Variants in KIAA1549 observed in about 807,000 individuals in gnomAD.
KIAA1549 encodes UPF0606 protein KIAA1549.
In KIAA1549, 70 loss-of-function variants were observed where a neutral mutation model predicts 156.4. That is an observed-to-expected ratio of 0.45 (90% CI 0.37 to 0.55). The LOEUF is 0.55. Among genes scored for constraint, KIAA1549 ranks in the 20% least tolerant of loss-of-function variants. The probability of loss-of-function intolerance (pLI) is 0.00; values close to 1 mark genes in which losing one functional copy is unlikely to be tolerated. For missense variants in KIAA1549, 2,428 were observed against 2,540.9 expected, an observed-to-expected ratio of 0.96 and a Z score of 0.96; for synonymous variants, 1,103 against 1,066.4, an observed-to-expected ratio of 1.03 and a Z score of -0.67.
At chr7:138,941,888 G>A (rs1314979582) in intron 1 of KIAA1549, among the ~76,000 whole-genome samples, 1 of 150,274 alleles carries the variant, frequency 6.7e-6, no homozygotes, top group Non-Finnish European at 1.5e-5. Context: ...AGGAAATAAG[G>A]AAATCTTAAA....
intron 1 of KIAA1549, among the ~76,000 whole-genome samples, chr7:138,920,205 C>T (rs1162634145): frequency 1.5e-3 from 228 of 151,974 alleles, no homozygotes; most frequent in Middle Eastern, 6.9e-3. Context: ...CTCTCACCCC[C>T]GCCTGGAATG....
At chr7:138,929,749 G>A (rs1323843327) in intron 1 of KIAA1549, among the ~76,000 whole-genome samples, 3 of 152,034 alleles carry the variant, frequency 2.0e-5, no homozygotes, top group Admixed American at 1.3e-4. Context: ...GAATACAATG[G>A]TACAATTATA....
chr7:138,942,207 T>C (rs1813205175), intron 1 of KIAA1549, among the ~76,000 whole-genome samples: 1 of 152,144 alleles, frequency 6.6e-6, no homozygotes, highest in African/African-American at 2.4e-5. Flanking sequence ...CCACACTGTC[T>C]CTCTGAAAGA....
intron 10 of KIAA1549, among the ~76,000 whole-genome samples, chr7:138,893,181 T>A (rs1282888868): frequency 1.3e-5 from 2 of 152,248 alleles, no homozygotes; most frequent in Non-Finnish European, 2.9e-5. Context: ...AGAAAATTGC[T>A]ATTTCTATAA....
At chr7:138,959,037 T>C (rs987571470) in intron 1 of KIAA1549, among the ~76,000 whole-genome samples, 5 of 151,988 alleles carry the variant, frequency 3.3e-5, no homozygotes, top group African/African-American at 9.7e-5. Context: ...GTAGCTGGGA[T>C]TGCAGGCGCC....
At chr7:138,976,283 G>C (rs746332173) in intron 1 of KIAA1549, among the ~76,000 whole-genome samples, 3 of 152,078 alleles carry the variant, frequency 2.0e-5, no homozygotes, top group African/African-American at 2.4e-5. Context: ...CACCATGTTG[G>C]CCAGGCTGGT....
chr7:138,895,339 C>A (rs1811655042), intron 9 of KIAA1549, among the ~76,000 whole-genome samples: 1 of 152,230 alleles, frequency 6.6e-6, no homozygotes, highest in African/African-American at 2.4e-5. Flanking sequence ...ATGTTCGTAG[C>A]AGCGCTATTC....
intron 16 of KIAA1549, among the ~76,000 whole-genome samples, chr7:138,852,656 T>C (rs1170586191): frequency 6.6e-6 from 1 of 152,180 alleles, no homozygotes; most frequent in African/African-American, 2.4e-5. Context: ...TGCCCACAAT[T>C]AGCACAAGTG....
intron 1 of KIAA1549, among the ~76,000 whole-genome samples, chr7:138,966,189 T>C (rs1814019566): frequency 6.6e-6 from 1 of 152,102 alleles, no homozygotes; most frequent in Admixed American, 6.5e-5. Flanking sequence ...GGAAACAGGG[T>C]CATCAAAGAT....
At chr7:138,863,433 C>T (rs779320742) in intron 15 of KIAA1549, among the ~76,000 whole-genome samples, 4 of 152,042 alleles carry the variant, frequency 2.6e-5, no homozygotes, top group South Asian at 2.1e-4. Context: ...ATGCTTCTAA[C>T]GGGTGATCAG....
intron 8 of KIAA1549, among the ~76,000 whole-genome samples, chr7:138,900,390 G>A (rs542103465): frequency 1.2e-4 from 18 of 152,306 alleles, no homozygotes; most frequent in African/African-American, 4.1e-4. Context: ...AAGGGCTACT[G>A]AAAAGGAAGT....
chr7:138,881,275 G>T, intron 11 of KIAA1549, 113 bp downstream of exon 11: 1 of 1,040,466 alleles, frequency 9.6e-7, no homozygotes, highest in Non-Finnish European at 1.4e-6. Flanking sequence ...AGTCTGCTGG[G>T]CTGCACATGC....
chr7:138,904,951 A>G lies in KIAA1549; in HGVS notation c.3520+71T>C, dbSNP rs1421174357. 5.5e-6 allele frequency: 5 copies of G among 902,288 alleles called. No homozygotes were observed. The East Asian group carries it at 1.1e-4, about 19-fold the overall frequency. The allele number at this position is 902,288 out of a possible 1,614,324, so 55.9% of individuals were successfully genotyped here. On this transcript the variant is annotated intron_variant, in intron 7 of 19. Coordinates refer to ENST00000422774, the MANE Select transcript of KIAA1549 (RefSeq NM_001164665.2). ...AAATTTAGGAAACAAGAAAGGCAGCATCATTCTCAATACGCCTGCATAGAC... is the reference window on the plus strand; with the variant it reads ...AAATTTAGGAAACAAGAAAGGCAGCGTCATTCTCAATACGCCTGCATAGAC...
chr7:138,889,868 C>G (rs74906179), intron 10 of KIAA1549, among the ~76,000 whole-genome samples: 5,438 of 152,286 alleles, frequency 0.036, 321 homozygotes, highest in African/African-American at 0.12. Context: ...TAATTACCTT[C>G]TTTTGTCTCA....
chr7:138,895,875 C>G (rs753345054), intron 9 of KIAA1549, among the ~76,000 whole-genome samples: 1 of 152,016 alleles, frequency 6.6e-6, no homozygotes, highest in African/African-American at 2.4e-5. Flanking sequence ...CATGACTCAT[C>G]GAAACGGCAT....
At chr7:138,942,156 G>A (rs1454785598) in intron 1 of KIAA1549, among the ~76,000 whole-genome samples, 2 of 152,164 alleles carry the variant, frequency 1.3e-5, no homozygotes, top group East Asian at 1.9e-4. Flanking sequence ...ATTTGAACCC[G>A]GATCTATCCG....
rs576039160 is a variant in KIAA1549 at position 138,903,531 on chromosome 7, C to G, written c.3669+57G>C. On this transcript the variant is annotated intron_variant, in intron 8 of 19. Transcript: ENST00000422774. ...GTTTTAGATGGAGTGTGCACTCACA[C>G]GCAAGCGCTGTCTCTCTCCCTCTCT... The G allele has an allele frequency of 4.4e-5, 69 of 1,565,952 alleles. No individual in the cohort carries two copies. In the African/African-American group the frequency reaches 8.9e-4, roughly 20 times the overall value.
intron 17 of KIAA1549, among the ~76,000 whole-genome samples, chr7:138,849,188 G>T (rs186061905): frequency 1.3e-5 from 2 of 152,070 alleles, no homozygotes; most frequent in Admixed American, 1.3e-4. Context: ...AGTTTTCTAA[G>T]AACAAATTTT....
At chr7:138,938,705 C>T (rs1168817804) in intron 1 of KIAA1549, among the ~76,000 whole-genome samples, 1 of 152,228 alleles carries the variant, frequency 6.6e-6, no homozygotes, top group Non-Finnish European at 1.5e-5. Context: ...TTTGCTATTA[C>T]AATAAATTGT....
Sources: allele counts gnomAD v4.1 joint callset (sites outside exome capture counted in the v4.1 genomes callset), GRCh38; gene constraint gnomAD v4.1.1; transcripts MANE v1.5; gene names NCBI Gene and HGNC (gene_info 2026-07-23, HGNC 2026-07-21).